RBFOX1: variants seen among roughly 807,000 people sequenced by gnomAD.
RBFOX1 encodes RNA binding protein fox-1 homolog 1.
In RBFOX1, 8 loss-of-function variants were observed where a neutral mutation model predicts 57.7. The observed-to-expected ratio is 0.14, with a 90% CI of 0.08 to 0.25. The LOEUF (loss-of-function observed/expected upper bound fraction) is 0.25. Ranked by LOEUF, RBFOX1 falls within the 10% of genes least tolerant of loss-of-function variation. The pLI is 1.00. For missense variants in RBFOX1, 611 were observed against 548.5 expected (o/e 1.11, Z -1.14); for synonymous variants, 326 against 222.4 (o/e 1.47, Z -4.15).
intron 4 of RBFOX1, among the ~76,000 whole-genome samples, chr16:7,436,109 A>C (rs988855411): frequency 5.3e-5 from 8 of 152,178 alleles, no homozygotes; most frequent in Admixed American, 5.2e-4. Context: ...GTAACTCAAG[A>C]TAGCCTTTTT....
At chr16:6,754,427 C>A (rs1041387747) in intron 3 of RBFOX1, among the ~76,000 whole-genome samples, 1 of 152,164 alleles carries the variant, frequency 6.6e-6, no homozygotes, top group African/African-American at 2.4e-5. Flanking sequence ...AACCTACGGT[C>A]GAAGATTCAG....
At chr16:7,087,918 CTT>C (rs969343525) in intron 4 of RBFOX1, among the ~76,000 whole-genome samples, 13 of 152,224 alleles carry the variant, frequency 8.5e-5, no homozygotes, top group African/African-American at 2.9e-4. Context: ...CTCGCTCTCT[CTT>C]TCTCTCTGAT....
At chr16:7,273,656 C>T (rs983787073) in intron 4 of RBFOX1, among the ~76,000 whole-genome samples, 19 of 152,130 alleles carry the variant, frequency 1.2e-4, no homozygotes, top group African/African-American at 3.4e-4. Flanking sequence ...AACTGCCTTT[C>T]GAATTGGGAA....
chr16:6,508,603 G>A lies in RBFOX1; in HGVS notation c.-63-146000G>A, dbSNP rs78236885. The stretch of plus-strand genomic sequence containing the variant: ...TCTCGTCTCTGCTTCCCTCAAAGAC[G>A]TTTCCTATTGCTGTTTCTTCTTTAC... On this transcript the variant is annotated intron_variant, in intron 2 of 15. Coordinates refer to ENST00000550418, the MANE Select transcript of RBFOX1 (RefSeq NM_018723.4). 1.2e-3 allele frequency among the ~76,000 whole-genome samples: 178 copies of A among 152,158 alleles called. 2 individuals are homozygous for A. The highest frequency in any genetic ancestry group is 3.9e-3 in the African/African-American group (162 of 41,508).
chr16:6,849,915 A>C (rs528974392), intron 3 of RBFOX1, among the ~76,000 whole-genome samples: 2 of 152,236 alleles, frequency 1.3e-5, no homozygotes, highest in South Asian at 4.1e-4. Context: ...TATATCTCCC[A>C]GTTGACTAGG....
chr16:6,984,533 T>G (rs1342000105), intron 3 of RBFOX1, among the ~76,000 whole-genome samples: 2 of 152,150 alleles, frequency 1.3e-5, no homozygotes, highest in Non-Finnish European at 2.9e-5. Context: ...GTCACTAAAT[T>G]AGAATGGTGC....
intron 3 of RBFOX1, among the ~76,000 whole-genome samples, chr16:6,949,056 A>G (rs1202979100): frequency 6.6e-6 from 1 of 152,196 alleles, no homozygotes. Flanking sequence ...CGTAAAAGGG[A>G]GAGTAAGGAC....
chr16:7,210,701 A>G (rs1019435974), intron 4 of RBFOX1, among the ~76,000 whole-genome samples: 2 of 152,110 alleles, frequency 1.3e-5, no homozygotes, highest in African/African-American at 4.8e-5. Context: ...TCTAATTTAC[A>G]ACATTGTTGC....
At chr16:5,256,386 C>A (rs1182761638) in intron 1 of RBFOX1, among the ~76,000 whole-genome samples, 5 of 152,154 alleles carry the variant, frequency 3.3e-5, no homozygotes, top group Admixed American at 6.5e-5. Flanking sequence ...CTGACAATGA[C>A]CATGACCTTC....
intron 2 of RBFOX1, among the ~76,000 whole-genome samples, chr16:5,481,248 C>G (rs1481280366): frequency 1.3e-5 from 2 of 152,166 alleles, no homozygotes; most frequent in Non-Finnish European, 2.9e-5. Context: ...GGACTGGGGT[C>G]TTCTCTTGAG....
chr16:7,016,368 T>G (rs7190085), intron 3 of RBFOX1, among the ~76,000 whole-genome samples: 4,215 of 152,252 alleles, frequency 0.028, 181 homozygotes, highest in African/African-American at 0.094. Context: ...GAGTTGAGTT[T>G]TAGAAGAAGC....
At chr16:6,305,505 A>G (rs2079392343) in intron 1 of RBFOX1, among the ~76,000 whole-genome samples, 1 of 151,936 alleles carries the variant, frequency 6.6e-6, no homozygotes, top group Admixed American at 6.5e-5. Flanking sequence ...TATCAGTCCC[A>G]GATAGATATT....
Position 6,800,489 on chromosome 16 carries a change from C to G in RBFOX1, c.-16+145839C>G, listed in dbSNP as rs139956473. 6.3e-3 allele frequency among the ~76,000 whole-genome samples: 966 copies of G among 152,224 alleles called. 13 individuals are homozygous for G. Among genetic ancestry groups the G allele is most frequent in the African/African-American group, 0.021 (876 of 41,524 alleles). On this transcript the variant is annotated intron_variant, in intron 3 of 15. Transcript: ENST00000550418. ...TAAGTCTCGGGTGGGGTCGGAGCAT[C>G]TGCATTTCTAATAGGCTTCCAGGTG...
intron 1 of RBFOX1, among the ~76,000 whole-genome samples, chr16:5,372,425 C>A (rs766374552): frequency 7.2e-5 from 11 of 152,052 alleles, no homozygotes; most frequent in Non-Finnish European, 1.5e-4. Context: ...CAGTCTCAAA[C>A]ATGTACAATT....
chr16:6,819,960 T>A (rs1037529162), intron 3 of RBFOX1, among the ~76,000 whole-genome samples: 18 of 152,064 alleles, frequency 1.2e-4, no homozygotes, highest in African/African-American at 4.3e-4. Flanking sequence ...TTTTCACTCA[T>A]CCTCTGGCTG....
At chr16:6,835,479 G>A (rs923060981) in intron 3 of RBFOX1, among the ~76,000 whole-genome samples, 2 of 152,050 alleles carry the variant, frequency 1.3e-5, no homozygotes. Context: ...TTGGCCGGGT[G>A]TGGTGGTCAC....
chr16:7,686,951 A>G lies in RBFOX1; in HGVS notation c.995+10113A>G, dbSNP rs185445001. 7.3e-4 allele frequency among the ~76,000 whole-genome samples: 111 copies of G among 152,202 alleles called. 1 individual carries two copies. The highest frequency in any genetic ancestry group is 1.2e-3 in the Non-Finnish European group (83 of 67,972). On this transcript the variant is annotated intron_variant, in intron 14 of 15. Transcript: ENST00000550418. The stretch of plus-strand genomic sequence containing the variant: ...GATCTTTTTTTGGTAGAATAGCCAA[A>G]CTGGGGAGAGATTCACAGACCTTAT...
chr16:6,615,419 A>T (rs867079947), intron 2 of RBFOX1, among the ~76,000 whole-genome samples: 25 of 152,178 alleles, frequency 1.6e-4, no homozygotes, highest in Admixed American at 5.2e-4. Context: ...AAAATACAAA[A>T]ATTAGCTGGG....
At chr16:7,035,466 T>C (rs1383553090) in intron 3 of RBFOX1, among the ~76,000 whole-genome samples, 1 of 152,234 alleles carries the variant, frequency 6.6e-6, no homozygotes, top group Non-Finnish European at 1.5e-5. Context: ...TAAGTACAGA[T>C]AAGACTTCCC....
Sources: gnomAD v4.1 joint callset for allele counts (sites outside exome capture counted in the v4.1 genomes callset) on GRCh38, gnomAD v4.1.1 for gene constraint, MANE v1.5 for transcripts, NCBI Gene and HGNC (gene_info 2026-07-23, HGNC 2026-07-21) for gene names.